The following ACSM2B variants were observed in gnomAD, a reference collection of about 807,000 sequenced individuals.
ACSM2B encodes acyl-coenzyme A synthetase ACSM2B, mitochondrial.
ACSM2B carries 58 observed loss-of-function variants against 78.6 expected under a neutral mutation model. The ratio of observed to expected loss-of-function variants is 0.74; its 90% CI spans 0.60 to 0.92. The LOEUF (loss-of-function observed/expected upper bound fraction) is 0.92. Among genes scored for constraint, ACSM2B ranks in the 40% least tolerant of loss-of-function variants. ACSM2B has a pLI of 0.00. For missense variants in ACSM2B, 688 were observed against 711.2 expected, an observed-to-expected ratio of 0.97 and a Z score of 0.37; for synonymous variants, 257 against 256.8, an observed-to-expected ratio of 1.00 and a Z score of -0.01.
Position 20,548,081 on chromosome 16 carries a change from A to T in ACSM2B, c.1079T>A (p.Phe360Tyr). 1 of 1,613,916 alleles carries T rather than the reference A, an allele frequency of 6.2e-7. No individual in the cohort carries two copies. The highest frequency in any genetic ancestry group is 1.1e-5 in the South Asian group (1 of 91,072). The change falls in exon 8 of 14, where the codon TTC (phenylalanine) becomes TAC (tyrosine). Residue 360 changes from phenylalanine to tyrosine, a missense_variant. Phe to Tyr is a conservative substitution (Grantham distance 22). Coordinates refer to ENST00000329697, the MANE Select transcript of ACSM2B (RefSeq NM_001105069.2). ...AGGTACCGTTTCTGTCTGGCCATAG[A>T]ATTCTCGGATGTCCAGTCCTGTCTG... ...RAQTGLDIRE[F>Y]YGQTETGLTC... is the part of the protein sequence containing the mutation.
chr16:20,544,511 A>T, intron 10 of ACSM2B: 2 of 922,830 alleles, frequency 2.2e-6, no homozygotes, highest in Non-Finnish European at 2.6e-6. Flanking sequence ...TGCATTCAAT[A>T]AATGGTAGAA....
rs142151089 is a variant in ACSM2B at position 20,552,233 on chromosome 16, T to C, written c.805A>G (p.Ile269Val). The change falls in exon 6 of 14, where the codon ATC (isoleucine) becomes GTC (valine). Residue 269 changes from isoleucine (I) to valine (V), a missense_variant. Coordinates refer to ENST00000329697, the MANE Select transcript of ACSM2B (RefSeq NM_001105069.2). ...CAAGATTCCAAAAGTGAGCCCAAGA[T>C]GTTCAGTATCCAACCTGTGTCTGAT... is the stretch of plus-strand genomic sequence containing the variant. ...TISDTGWILN[I>V]LGSLLESWTL... is the part of the protein sequence containing the mutation. 9.4e-5 allele frequency: 151 copies of C among 1,613,946 alleles called. 1 individual carries two copies. Among genetic ancestry groups the C allele is most frequent in the Admixed American group, 3.0e-4 (18 of 60,010 alleles).
chr16:20,562,351 G>T (rs2015687603), intron 2 of ACSM2B, among the ~76,000 whole-genome samples: 1 of 152,054 alleles, frequency 6.6e-6, no homozygotes, highest in Non-Finnish European at 1.5e-5. Context: ...TGAGAGTAAT[G>T]ATGCAAAATC....
At chr16:20,567,232 A>G (rs1468542372) in intron 1 of ACSM2B, among the ~76,000 whole-genome samples, 1 of 129,696 alleles carries the variant, frequency 7.7e-6, no homozygotes, top group African/African-American at 2.9e-5. Flanking sequence ...ACTATATATA[A>G]TATATAGTGT....
At chr16:20,574,303 C>T (rs1316975796) in intron 1 of ACSM2B, 1 of 152,152 alleles carries the variant, frequency 6.6e-6, no homozygotes, top group Non-Finnish European at 1.5e-5. Context: ...ATATTCTGTT[C>T]TTTTTCCGGG....
chr16:20,542,117 C>T (rs1284540708), intron 12 of ACSM2B: 2 of 151,470 alleles, frequency 1.3e-5, no homozygotes, highest in Non-Finnish European at 2.9e-5. Context: ...TTCAAGTCCT[C>T]TCTTCTAGCT....
chr16:20,555,305 C>A lies in ACSM2B; in HGVS notation c.560G>T (p.Ser187Ile), dbSNP rs753511934. Residue 187 changes from serine (S) to isoleucine (I), a missense_variant, in exon 4 of 14, where the codon AGC (serine) becomes ATC (isoleucine). Transcript: ENST00000329697. ...CTTGAAGTTCAGCCACCCATCGCAG[C>A]TTTTCTCAGACACCAGTAGCTTAAT... is the stretch of plus-strand genomic sequence containing the variant. Reference protein sequence around the residue: ...LRIKLLVSEKSCDGWLNFKKL... With the variant: ...LRIKLLVSEKICDGWLNFKKL... 1.1e-5 allele frequency: 18 copies of A among 1,613,766 alleles called. No homozygotes were observed. The Admixed American group carries it at 2.5e-4, about 22-fold the overall frequency.
intron 12 of ACSM2B, 142 bp downstream of exon 12, chr16:20,542,772 C>A (rs777808174): frequency 4.9e-5 from 56 of 1,147,352 alleles, no homozygotes; most frequent in Non-Finnish European, 6.3e-5. Context: ...AGTAGCTTAC[C>A]CAAGGTCACA....
At chr16:20,541,189 C>A in intron 12 of ACSM2B, 1 of 170,106 alleles carries the variant, frequency 5.9e-6, no homozygotes, top group Admixed American at 5.5e-5. Context: ...AAATCATATA[C>A]AGCAGGGCTA....
At chr16:20,567,622 T>C (rs1458821554) in intron 1 of ACSM2B, among the ~76,000 whole-genome samples, 1 of 136,504 alleles carries the variant, frequency 7.3e-6, no homozygotes, top group Non-Finnish European at 1.5e-5. Flanking sequence ...ATATATAGTA[T>C]ATTATATCTA....
At position 20,537,235 on chromosome 16, in the gene ACSM2B, C is replaced by A. The variant is rs747639357; in HGVS notation, c.*23G>T. Reference sequence around the variant, plus strand: ...AAGAAAGAGAAAGAAGAGGGGAATCCAAATGAATGTCTCCTAGACGCCTCA... The same window carrying A: ...AAGAAAGAGAAAGAAGAGGGGAATCAAAATGAATGTCTCCTAGACGCCTCA... On this transcript the variant is annotated 3_prime_UTR_variant, in exon 14 of 14. Coordinates refer to ENST00000329697, the MANE Select transcript of ACSM2B (RefSeq NM_001105069.2). 8.1e-6 allele frequency: 13 copies of A among 1,612,360 alleles called. No individual in the cohort carries two copies. The highest frequency in any genetic ancestry group is 9.3e-6 in the Non-Finnish European group (11 of 1,178,616).
intron 6 of ACSM2B, chr16:20,549,886 C>G: frequency 2.5e-6 from 1 of 405,426 alleles, no homozygotes; most frequent in South Asian, 1.9e-5. Flanking sequence ...GACCTGGGAT[C>G]AATAGAAAGG....
intron 8 of ACSM2B, chr16:20,547,750 C>T: frequency 1.9e-6 from 2 of 1,052,954 alleles, no homozygotes; most frequent in Non-Finnish European, 2.4e-6. Flanking sequence ...ATGTGATTTA[C>T]CAACTTCTCA....
chr16:20,558,799 C>T (rs936994513), intron 3 of ACSM2B, among the ~76,000 whole-genome samples: 3 of 152,210 alleles, frequency 2.0e-5, no homozygotes, highest in African/African-American at 7.2e-5. Flanking sequence ...GCAAATGCAG[C>T]CACATATAAT....
intron 1 of ACSM2B, 99 bp from the exon 2 acceptor site, chr16:20,564,952 C>T (rs1453457891): frequency 6.8e-7 from 1 of 1,477,114 alleles, no homozygotes; most frequent in Non-Finnish European, 9.0e-7. Context: ...TTATAGGATT[C>T]TTCCCAGGAA....
chr16:20,551,759 G>T (rs1277663876), intron 6 of ACSM2B, among the ~76,000 whole-genome samples: 1 of 152,044 alleles, frequency 6.6e-6, no homozygotes, highest in African/African-American at 2.4e-5. Flanking sequence ...AATGAAATGT[G>T]CACTCACAAA....
In ACSM2B at chr16:20,537,367, T is replaced by C. The variant is rs779394971; in HGVS notation, c.1630-5A>G. The C allele has an allele frequency of 1.2e-6, 2 of 1,613,784 alleles. No homozygotes were observed. The highest frequency in any genetic ancestry group is 1.7e-6 in the Non-Finnish European group (2 of 1,179,720). ...CAGGTTCAAGACAAACTCTATCTGT[T>C]GAAAAACAAATCAGTCCAGGGTGGG... On this transcript the variant is annotated splice_region_variant and splice_polypyrimidine_tract_variant and intron_variant, in intron 13 of 13. Transcript: ENST00000329697.
Position 20,562,878 on chromosome 16 carries a change from C to G in ACSM2B, c.177+1791G>C, listed in dbSNP as rs560818241. On this transcript the variant is annotated intron_variant, in intron 2 of 13. Coordinates refer to ENST00000329697, the MANE Select transcript of ACSM2B (RefSeq NM_001105069.2). The stretch of plus-strand genomic sequence containing the variant: ...TTCCAGACATTTGCATTCTGGAAAA[C>G]TTACTGACACTACCTAGACCTATGA... 5.7e-3 allele frequency among the ~76,000 whole-genome samples: 868 copies of G among 152,238 alleles called. 16 individuals carry two copies. The highest frequency in any genetic ancestry group is 0.029 in the Admixed American group (447 of 15,280).
intron 3 of ACSM2B, among the ~76,000 whole-genome samples, chr16:20,555,857 T>G (rs2015458386): frequency 6.6e-6 from 1 of 152,182 alleles, no homozygotes; most frequent in African/African-American, 2.4e-5. Flanking sequence ...CACTTGGAAC[T>G]GTCCATGGTC....
Sources: gnomAD v4.1 joint callset for allele counts (sites outside exome capture counted in the v4.1 genomes callset) on GRCh38, gnomAD v4.1.1 for gene constraint, MANE v1.5 for transcripts, NCBI Gene and HGNC (gene_info 2026-07-23, HGNC 2026-07-21) for gene names.